The following CLDN16 variants were observed in gnomAD, a reference collection of about 807,000 sequenced individuals.
CLDN16 encodes the protein claudin 16, also known as claudin-16.
CLDN16 carries 13 observed loss-of-function variants against 24.6 expected under a neutral mutation model. That is an observed-to-expected ratio of 0.53 (90% CI 0.34 to 0.84). CLDN16 has a LOEUF of 0.84. Among genes scored for constraint, CLDN16 ranks in the 40% least tolerant of loss-of-function variants. The pLI is 0.01. For missense variants in CLDN16, 298 were observed against 292.7 expected (o/e 1.02, Z -0.13); for synonymous variants, 116 against 106.7 (o/e 1.09, Z -0.54).
intron 3 of CLDN16, among the ~76,000 whole-genome samples, chr3:190,405,428 G>GGA (rs1553809356): frequency 1.2e-5 from 1 of 81,154 alleles, no homozygotes; most frequent in Non-Finnish European, 2.3e-5. Context: ...CCGTCTCACG[G>GGA]AAAAAAAAAA....
chr3:190,409,270 A>ACG (rs1244576674), intron 4 of CLDN16, among the ~76,000 whole-genome samples: 7,552 of 151,370 alleles, frequency 0.05, 576 homozygotes, highest in African/African-American at 0.15. Flanking sequence ...ATATGCACAC[A>ACG]TGTATATGTA....
At chr3:190,297,089 A>G in the CLDN16 span, among the ~76,000 whole-genome samples, 2 of 152,070 alleles carry the variant, frequency 1.3e-5, no homozygotes, top group South Asian at 4.1e-4. Context: ...TAAACACAAA[A>G]TAACTAAACA....
chr3:190,369,814 C>T (rs965372852), intron 1 of CLDN16, among the ~76,000 whole-genome samples: 9 of 151,864 alleles, frequency 5.9e-5, no homozygotes, highest in African/African-American at 1.9e-4. Flanking sequence ...GAAAGAATGG[C>T]TGAAAAACTG....
intron 1 of CLDN16, among the ~76,000 whole-genome samples, chr3:190,362,403 C>T (rs1157894504): frequency 6.6e-6 from 1 of 151,932 alleles, no homozygotes; most frequent in African/African-American, 2.4e-5. Context: ...ACTTCGACCC[C>T]CTCTGTGATT....
intron 1 of CLDN16, among the ~76,000 whole-genome samples, chr3:190,360,659 C>G (rs573881197): frequency 1.3e-5 from 2 of 151,468 alleles, no homozygotes; most frequent in Admixed American, 6.6e-5. Context: ...ATTTTTTTCC[C>G]ATTCTATTCT....
At chr3:190,359,437 C>T (rs1039311286) in intron 1 of CLDN16, among the ~76,000 whole-genome samples, 1 of 151,996 alleles carries the variant, frequency 6.6e-6, no homozygotes, top group Non-Finnish European at 1.5e-5. Context: ...TGAGTGGAAT[C>T]CAGTGCAGCT....
At chr3:190,365,207 T>C (rs1042659839) in intron 1 of CLDN16, among the ~76,000 whole-genome samples, 1 of 151,836 alleles carries the variant, frequency 6.6e-6, no homozygotes, top group Non-Finnish European at 1.5e-5. Context: ...CATCAGGTGA[T>C]TGATCAGCAC....
chr3:190,320,264 G>A (rs1198803861), upstream of CLDN16, among the ~76,000 whole-genome samples: 3 of 152,182 alleles, frequency 2.0e-5, no homozygotes, highest in African/African-American at 7.2e-5. Context: ...ATTTAAAGAT[G>A]TTGAAAAGGA....
Position 190,411,088 on chromosome 3 carries a change from CT to C in CLDN16, c.*1053del, listed in dbSNP as rs1184329836. On this transcript the variant is annotated 3_prime_UTR_variant, in exon 5 of 5. Coordinates refer to ENST00000264734, the MANE Select transcript of CLDN16 (RefSeq NM_006580.4). ...CCATCCTGGCTAACATGGTGAAACC[CT>C]GTCTCTACTAAAAATACAAAAATTA... is the stretch of plus-strand genomic sequence containing the variant. 1.3e-5 allele frequency: 2 copies of C among 152,180 alleles called. No homozygotes were observed. The highest frequency in any genetic ancestry group is 4.8e-5 in the African/African-American group (2 of 41,438). The allele number at this position is 152,180 out of a possible 1,614,324, so 9.4% of individuals were successfully genotyped here. A position where few individuals can be genotyped will look rare whatever the true frequency, so the allele number is the denominator to read the frequency against.
chr3:190,404,769 G>T lies in CLDN16; in HGVS notation c.225G>T (p.Leu75=). The T allele has an allele frequency of 6.2e-7, 1 of 1,614,068 alleles. No homozygotes were observed. The highest frequency in any genetic ancestry group is 8.5e-7 in the Non-Finnish European group (1 of 1,179,984). The change falls in exon 3 of 5, where the codon CTG becomes CTT. Residue 75 remains leucine, a synonymous_variant. Coordinates refer to ENST00000264734, the MANE Select transcript of CLDN16 (RefSeq NM_006580.4). ...DSILAEHPLK[L]VVTRALMITA... ...TATGCCCTGGTCTTCCAGTGAAGCTGGTGGTAACTCGAGCGTTGATGATTA... is the reference window on the plus strand; with the variant it reads ...TATGCCCTGGTCTTCCAGTGAAGCTTGTGGTAACTCGAGCGTTGATGATTA...
At chr3:190,320,670 A>G (rs148674191), upstream of CLDN16, among the ~76,000 whole-genome samples, 12 of 152,336 alleles carry the variant, frequency 7.9e-5, no homozygotes, top group East Asian at 2.1e-3. Context: ...CTTTTGATAT[A>G]CACTATTAAA....
At chr3:190,321,990 G>A, upstream of CLDN16, 1 of 1,614,100 alleles carries the variant, frequency 6.2e-7, no homozygotes, top group South Asian at 1.1e-5. Flanking sequence ...TCACTGCTCA[G>A]ATTCAGCAAG....
At chr3:190,363,027 G>A (rs1044251702) in intron 1 of CLDN16, among the ~76,000 whole-genome samples, 2 of 151,808 alleles carry the variant, frequency 1.3e-5, no homozygotes, top group African/African-American at 4.8e-5. Context: ...TTTTTCAAGC[G>A]ACTATTTTTA....
At chr3:190,338,783 C>A (rs1336666543) in intron 1 of CLDN16, among the ~76,000 whole-genome samples, 2 of 152,130 alleles carry the variant, frequency 1.3e-5, no homozygotes, top group African/African-American at 2.4e-5. Context: ...GAAGCTAAGA[C>A]CAGATAGGAA....
At chr3:190,334,354 T>C (rs750274434) in intron 1 of CLDN16, among the ~76,000 whole-genome samples, 2 of 152,142 alleles carry the variant, frequency 1.3e-5, no homozygotes, top group Admixed American at 1.3e-4. Flanking sequence ...ATATGCTATA[T>C]CAGGTAGGGA....
intron 1 of CLDN16, among the ~76,000 whole-genome samples, chr3:190,327,025 T>C (rs538961493): frequency 2.2e-4 from 34 of 152,248 alleles, no homozygotes; most frequent in African/African-American, 7.5e-4. Context: ...ATAGACTACA[T>C]GTGTGTATTT....
intron 1 of CLDN16, among the ~76,000 whole-genome samples, chr3:190,341,651 C>A (rs115507464): frequency 6.6e-6 from 1 of 152,164 alleles, no homozygotes; most frequent in Non-Finnish European, 1.5e-5. Flanking sequence ...GATTAATATT[C>A]GGCTTCTCAT....
At chr3:190,384,592 A>G (rs1718442041), upstream of CLDN16, among the ~76,000 whole-genome samples, 1 of 152,200 alleles carries the variant, frequency 6.6e-6, no homozygotes, top group Non-Finnish European at 1.5e-5. Flanking sequence ...TGTTGGTCTT[A>G]GAGATCTTGC....
chr3:190,340,342 T>C (rs1717399285), intron 1 of CLDN16, among the ~76,000 whole-genome samples: 1 of 152,188 alleles, frequency 6.6e-6, no homozygotes, highest in Admixed American at 6.5e-5. Context: ...AGAGGTTTAT[T>C]AGACTTACAG....
Sources: gnomAD v4.1 joint callset for allele counts (sites outside exome capture counted in the v4.1 genomes callset) on GRCh38, gnomAD v4.1.1 for gene constraint, MANE v1.5 for transcripts, NCBI Gene and HGNC (gene_info 2026-07-23, HGNC 2026-07-21) for gene names.